Variants in TAFA2 observed in about 807,000 individuals in gnomAD.
The protein encoded by TAFA2 is TAFA chemokine like family member 2.
In TAFA2, 7 loss-of-function variants were observed where a neutral mutation model predicts 18.8. The ratio of observed to expected loss-of-function variants is 0.37; its 90% CI spans 0.21 to 0.70. The LOEUF (loss-of-function observed/expected upper bound fraction) is 0.70. Among genes scored for constraint, TAFA2 ranks in the 30% least tolerant of loss-of-function variants. TAFA2 has a pLI of 0.53. For missense variants in TAFA2, 122 were observed against 158.1 expected, an observed-to-expected ratio of 0.77 and a Z score of 1.23; for synonymous variants, 60 against 54.2, an observed-to-expected ratio of 1.11 and a Z score of -0.47.
At chr12:62,007,874 T>C (rs1317875323) in intron 1 of TAFA2, among the ~76,000 whole-genome samples, 1 of 152,278 alleles carries the variant, frequency 6.6e-6, no homozygotes, top group Non-Finnish European at 1.5e-5. Context: ...TATTTTAAAA[T>C]ATACAATACT....
intron 2 of TAFA2, among the ~76,000 whole-genome samples, chr12:61,822,818 G>A (rs1872375883): frequency 6.6e-6 from 1 of 152,074 alleles, no homozygotes; most frequent in African/African-American, 2.4e-5. Flanking sequence ...GTATCAATAT[G>A]TAAATAAGTA....
chr12:62,143,211 A>G (rs570345924), intron 1 of TAFA2, among the ~76,000 whole-genome samples: 33 of 152,216 alleles, frequency 2.2e-4, no homozygotes, highest in Non-Finnish European at 3.1e-4. Flanking sequence ...AGCCATGGCC[A>G]GATAAGAATC....
chr12:62,126,600 C>T (rs1209913349), intron 1 of TAFA2, among the ~76,000 whole-genome samples: 1 of 151,954 alleles, frequency 6.6e-6, no homozygotes, highest in African/African-American at 2.4e-5. Context: ...CCACAAACCC[C>T]CTCTATGTGC....
chr12:62,037,396 A>AC, intron 1 of TAFA2, among the ~76,000 whole-genome samples: 1 of 152,356 alleles, frequency 6.6e-6, no homozygotes, highest in Admixed American at 6.5e-5. Flanking sequence ...TCAACAGCTA[A>AC]CACTGTGATT....
chr12:61,972,117 T>C (rs992980546), intron 1 of TAFA2, among the ~76,000 whole-genome samples: 2 of 151,680 alleles, frequency 1.3e-5, no homozygotes, highest in African/African-American at 2.4e-5. Flanking sequence ...CAGGGCTACA[T>C]GCACAGGATG....
chr12:61,726,903 TC>T (rs1317576385), intron 4 of TAFA2, among the ~76,000 whole-genome samples: 1 of 152,090 alleles, frequency 6.6e-6, no homozygotes, highest in Non-Finnish European at 1.5e-5. Context: ...GTATGTCCCT[TC>T]TATACTAATT....
chr12:62,258,373 T>G (rs2062950999), intron 1 of TAFA2: 1 of 152,268 alleles, frequency 6.6e-6, no homozygotes, highest in East Asian at 1.9e-4. Flanking sequence ...AAATATTATT[T>G]TACTTCATTG....
chr12:61,977,157 A>C (rs182650695), intron 1 of TAFA2, among the ~76,000 whole-genome samples: 21 of 152,200 alleles, frequency 1.4e-4, no homozygotes, highest in Admixed American at 5.9e-4. Flanking sequence ...ATGAATTTGC[A>C]TTATAAACTA....
Position 62,035,114 on chromosome 12 carries a change from C to T in TAFA2, c.-2+156145G>A, listed in dbSNP as rs1269669911. Among the ~76,000 whole-genome samples, 7 of 152,232 alleles carry T rather than the reference C, an allele frequency of 4.6e-5. No homozygotes were observed. The East Asian group carries it at 7.7e-4, about 17-fold the overall frequency. Reference sequence around the variant, plus strand: ...CCTTATCAATTTAAAGGAGGGAGGTCACCCCTCTATGTGTCAAAAATAGTT... The same window carrying T: ...CCTTATCAATTTAAAGGAGGGAGGTTACCCCTCTATGTGTCAAAAATAGTT... On this transcript the variant is annotated intron_variant, in intron 1 of 4. Transcript: ENST00000416284.
chr12:61,980,016 C>T (rs1326757991), intron 1 of TAFA2, among the ~76,000 whole-genome samples: 2 of 152,078 alleles, frequency 1.3e-5, no homozygotes, highest in Non-Finnish European at 2.9e-5. Flanking sequence ...TAAGCTAATG[C>T]TTATTCAGAA....
chr12:62,017,364 T>A (rs1024778817), intron 1 of TAFA2, among the ~76,000 whole-genome samples: 1 of 152,224 alleles, frequency 6.6e-6, no homozygotes, highest in African/African-American at 2.4e-5. Context: ...TCGTATTTTG[T>A]TATAAATAGT....
intron 1 of TAFA2, among the ~76,000 whole-genome samples, chr12:61,907,953 A>C (rs1387140841): frequency 6.6e-6 from 1 of 152,108 alleles, no homozygotes; most frequent in African/African-American, 2.4e-5. Context: ...TGCTATTTGG[A>C]ATGGGTATAT....
chr12:62,097,862 G>C (rs867713483), intron 1 of TAFA2, among the ~76,000 whole-genome samples: 21 of 152,074 alleles, frequency 1.4e-4, no homozygotes, highest in Middle Eastern at 3.2e-3. Context: ...AAAAGTTCCA[G>C]CTTTTCTCAG....
At chr12:61,891,464 T>C (rs1221493268) in intron 1 of TAFA2, among the ~76,000 whole-genome samples, 3 of 152,108 alleles carry the variant, frequency 2.0e-5, no homozygotes, top group Non-Finnish European at 4.4e-5. Flanking sequence ...CTGACCAACA[T>C]GGAGCAACCT....
At chr12:61,753,546 A>T in intron 4 of TAFA2, 76 bp downstream of exon 4, 1 of 1,352,368 alleles carries the variant, frequency 7.4e-7, no homozygotes, top group Non-Finnish European at 1.0e-6. Context: ...ATTGCCACTT[A>T]AATTGGTTAC....
rs138709415 is a variant in TAFA2, at chr12:61,723,771, T to G, written c.385-13354A>C. Among the ~76,000 whole-genome samples the G allele has an allele frequency of 8.2e-3, 1,242 of 152,236 alleles. 10 individuals carry two copies. The highest frequency in any genetic ancestry group is 0.026 in the African/African-American group (1,088 of 41,570). ...ACTTGGGATGTGGAAAATGTCCAAATGAATGCATCAAGGTTAATGCTGGCA... is the reference window on the plus strand; with the variant it reads ...ACTTGGGATGTGGAAAATGTCCAAAGGAATGCATCAAGGTTAATGCTGGCA... On this transcript the variant is annotated intron_variant, in intron 4 of 4. Transcript: ENST00000416284.
chr12:61,921,542 G>A (rs1264458682), intron 1 of TAFA2, among the ~76,000 whole-genome samples: 1 of 152,122 alleles, frequency 6.6e-6, no homozygotes, highest in South Asian at 2.1e-4. Flanking sequence ...GTGGTGTGGT[G>A]GGGTATGGTG....
chr12:62,084,861 T>G (rs935505789), intron 1 of TAFA2, among the ~76,000 whole-genome samples: 1 of 152,170 alleles, frequency 6.6e-6, no homozygotes, highest in Non-Finnish European at 1.5e-5. Context: ...ATACTCTTTC[T>G]CCCAATGCTG....
At chr12:62,083,813 T>G (rs1276048268) in intron 1 of TAFA2, among the ~76,000 whole-genome samples, 1 of 152,192 alleles carries the variant, frequency 6.6e-6, no homozygotes, top group Non-Finnish European at 1.5e-5. Context: ...ATTATCTTCA[T>G]CATTAACATA....
Sources: allele counts gnomAD v4.1 joint callset (sites outside exome capture counted in the v4.1 genomes callset), GRCh38; gene constraint gnomAD v4.1.1; transcripts MANE v1.5; gene names NCBI Gene and HGNC (gene_info 2026-07-23, HGNC 2026-07-21).